GALNT14: variants seen among roughly 807,000 people sequenced by gnomAD.
GALNT14 encodes the protein UDP-GalNAc:polypeptide N-acetylgalactosaminyltransferase 14.
GALNT14 carries 60 observed loss-of-function variants against 77.5 expected under a neutral mutation model. That is an observed-to-expected ratio of 0.77 (90% CI 0.63 to 0.96). GALNT14 has a LOEUF of 0.96. Among genes scored for constraint, GALNT14 ranks in the 40% least tolerant of loss-of-function variants. The pLI, the probability that GALNT14 is intolerant of heterozygous loss-of-function variation, is 0.00. For synonymous variants in GALNT14, 280 were observed against 281.7 expected, an observed-to-expected ratio of 0.99 and a Z score of 0.06; for missense variants, 710 against 731.0, an observed-to-expected ratio of 0.97 and a Z score of 0.33.
intron 1 of GALNT14, among the ~76,000 whole-genome samples, chr2:31,015,294 A>T (rs1671281492): frequency 9.5e-6 from 1 of 105,484 alleles, no homozygotes; most frequent in South Asian, 3.8e-4. Flanking sequence ...ATCCATCTCA[A>T]AGGAAAAAAA....
At chr2:31,023,286 G>T (rs1472361499) in intron 1 of GALNT14, among the ~76,000 whole-genome samples, 1 of 152,126 alleles carries the variant, frequency 6.6e-6, no homozygotes, top group Admixed American at 6.5e-5. Flanking sequence ...AGTAAGTTAG[G>T]TTAAGACCAC....
At chr2:31,065,856 C>T (rs1275697570) in intron 1 of GALNT14, among the ~76,000 whole-genome samples, 1 of 152,128 alleles carries the variant, frequency 6.6e-6, no homozygotes, top group Admixed American at 6.5e-5. Context: ...AGTTCCAGCT[C>T]AGAATATATT....
At chr2:31,038,290 C>T (rs910290397) in intron 1 of GALNT14, among the ~76,000 whole-genome samples, 1 of 151,170 alleles carries the variant, frequency 6.6e-6, no homozygotes, top group Non-Finnish European at 1.5e-5. Flanking sequence ...GACAGGGTTT[C>T]GCAATGTTGG....
At chr2:30,889,755 T>G in the GALNT14 span, among the ~76,000 whole-genome samples, 44,108 of 152,148 alleles carry the variant, frequency 0.29, 6,618 homozygotes, top group African/African-American at 0.34. Context: ...TAGATTTTCA[T>G]GTATTGTATA....
the GALNT14 span, among the ~76,000 whole-genome samples, chr2:30,895,478 T>C: frequency 6.6e-6 from 1 of 152,066 alleles, no homozygotes; most frequent in Non-Finnish European, 1.5e-5. Flanking sequence ...TGAGCAGAGT[T>C]CCCCCTTCCT....
chr2:30,912,650 G>C (rs1267023762), intron 13 of GALNT14, among the ~76,000 whole-genome samples: 1 of 152,212 alleles, frequency 6.6e-6, no homozygotes, highest in Admixed American at 6.5e-5. Context: ...CAGCTGAGCT[G>C]TGTGCTCCAC....
Position 31,138,436 on chromosome 2 carries a change from GA to G in GALNT14, c.-351del. On this transcript the variant is annotated 5_prime_UTR_variant, in exon 1 of 15. Coordinates refer to ENST00000349752, the MANE Select transcript of GALNT14 (RefSeq NM_024572.4). Reference sequence around the variant, plus strand: ...CGCCTTGCCCGCTGCCGCCGATAGGGAAACTGACTCGAGCAGCGAGAGGGAG... The same window carrying G: ...CGCCTTGCCCGCTGCCGCCGATAGGGAACTGACTCGAGCAGCGAGAGGGAG... The G allele has an allele frequency of 3.2e-6, 1 of 312,004 alleles. No homozygotes were observed. The allele number at this position is 312,004 out of a possible 1,614,324, so 19.3% of individuals were successfully genotyped here. A position where few individuals can be genotyped will look rare whatever the true frequency, so the allele number is the denominator to read the frequency against.
At chr2:31,132,198 T>C (rs1679027557) in intron 1 of GALNT14, among the ~76,000 whole-genome samples, 1 of 152,158 alleles carries the variant, frequency 6.6e-6, no homozygotes, top group African/African-American at 2.4e-5. Flanking sequence ...ACCAGAGGCC[T>C]GGACTCCGGG....
chr2:31,010,606 C>G lies in GALNT14; in HGVS notation c.130-17599G>C, dbSNP rs750733602. On this transcript the variant is annotated intron_variant, in intron 1 of 14. Transcript: ENST00000349752. ...CTCCAGCCTGGGCAACAGAGAGAGA[C>G]TCTGTCTCAAGATGACATTCGTTCC... is the stretch of plus-strand genomic sequence containing the variant. Among the ~76,000 whole-genome samples, 33 of 152,282 alleles carry G rather than the reference C, an allele frequency of 2.2e-4. No individual in the cohort carries two copies. The Middle Eastern group carries it at 0.014, about 63-fold the overall frequency.
At chr2:31,078,731 A>G (rs1675967414) in intron 1 of GALNT14, among the ~76,000 whole-genome samples, 1 of 152,170 alleles carries the variant, frequency 6.6e-6, no homozygotes, top group Non-Finnish European at 1.5e-5. Context: ...GCAAACATTC[A>G]GAAGCTAGAT....
rs547097468 is a variant in GALNT14 at position 30,962,996 on chromosome 2, G to C, written c.398+3208C>G. ...GCCTCCACCCCTAACATTCATTTCT[G>C]CCCTGCCTGCTTTTGATATAAGCTC... On this transcript the variant is annotated intron_variant, in intron 3 of 14. Coordinates refer to ENST00000349752, the MANE Select transcript of GALNT14 (RefSeq NM_024572.4). Among the ~76,000 whole-genome samples, 8 of 152,218 alleles carry C rather than the reference G, an allele frequency of 5.3e-5. No individual in the cohort carries two copies. The South Asian group carries it at 1.5e-3, about 28-fold the overall frequency.
chr2:31,125,217 G>A, intron 1 of GALNT14: 1 of 1,550,524 alleles, frequency 6.4e-7, no homozygotes, highest in Non-Finnish European at 8.7e-7. Flanking sequence ...GGCGCCCAAG[G>A]GCTCATCCCA....
intron 1 of GALNT14, among the ~76,000 whole-genome samples, chr2:31,024,821 G>A (rs1325020838): frequency 6.6e-6 from 1 of 152,142 alleles, no homozygotes; most frequent in Non-Finnish European, 1.5e-5. Flanking sequence ...TTTTATTAGA[G>A]AAGTAATGGG....
intron 9 of GALNT14, among the ~76,000 whole-genome samples, chr2:30,935,245 A>G (rs1010966060): frequency 1.3e-5 from 2 of 152,148 alleles, no homozygotes; most frequent in African/African-American, 4.8e-5. Context: ...ACATCTCTCC[A>G]ACTCCGAAAT....
intron 1 of GALNT14, among the ~76,000 whole-genome samples, chr2:31,039,449 A>C (rs1032646556): frequency 6.6e-6 from 1 of 152,234 alleles, no homozygotes. Flanking sequence ...AAGTTCTCAC[A>C]GTCAGTAAAG....
intron 1 of GALNT14, among the ~76,000 whole-genome samples, chr2:31,113,706 T>G (rs1029933242): frequency 1.3e-5 from 2 of 152,134 alleles, no homozygotes; most frequent in African/African-American, 4.8e-5. Context: ...CCACTTTAAG[T>G]TCAGTTCCCT....
At chr2:31,037,157 C>T (rs1400957857) in intron 1 of GALNT14, among the ~76,000 whole-genome samples, 2 of 152,000 alleles carry the variant, frequency 1.3e-5, no homozygotes, top group Non-Finnish European at 2.9e-5. Context: ...ATGTTTTGTC[C>T]ATTTATATTC....
At chr2:31,015,523 G>A (rs1671298450) in intron 1 of GALNT14, among the ~76,000 whole-genome samples, 1 of 152,144 alleles carries the variant, frequency 6.6e-6, no homozygotes, top group African/African-American at 2.4e-5. Context: ...AAGTCTCAAA[G>A]TACATCCTCC....
At chr2:30,939,189 A>G (rs1666231504) in intron 9 of GALNT14, among the ~76,000 whole-genome samples, 2 of 152,202 alleles carry the variant, frequency 1.3e-5, no homozygotes, top group Admixed American at 6.5e-5. Context: ...AGAAGAAGAA[A>G]GAGACAAACA....
Sources: allele counts gnomAD v4.1 joint callset (sites outside exome capture counted in the v4.1 genomes callset), GRCh38; gene constraint gnomAD v4.1.1; transcripts MANE v1.5; gene names NCBI Gene and HGNC (gene_info 2026-07-23, HGNC 2026-07-21).